Variants in RPH3AL observed in about 807,000 individuals in gnomAD.
RPH3AL encodes the protein rabphilin 3A like (without C2 domains).
A neutral mutation model predicts 43.1 loss-of-function variants in RPH3AL; 38 were observed. The ratio of observed to expected loss-of-function variants is 0.88; its 90% CI spans 0.68 to 1.15. RPH3AL has a LOEUF of 1.15. Ranked by LOEUF, RPH3AL falls within the 50% of genes most tolerant of loss-of-function variation. The pLI is 0.00. For missense variants in RPH3AL, 462 were observed against 423.2 expected (o/e 1.09, Z -0.81); for synonymous variants, 189 against 176.3 (o/e 1.07, Z -0.57).
intron 5 of RPH3AL, among the ~76,000 whole-genome samples, chr17:302,623 G>T (rs1671769954): frequency 6.6e-6 from 1 of 152,138 alleles, no homozygotes; most frequent in Non-Finnish European, 1.5e-5. Context: ...GTCGAGGGAG[G>T]GTGGATCCAG....
In RPH3AL at chr17:246,277, C is replaced by T. The variant is rs1426790679; in HGVS notation, c.613+834G>A. Among the ~76,000 whole-genome samples, 4 of 152,078 alleles carry T rather than the reference C, an allele frequency of 2.6e-5. No individual in the cohort carries two copies. Among genetic ancestry groups the T allele is most frequent in the Non-Finnish European group, 4.4e-5 (3 of 68,020 alleles). On this transcript the variant is annotated intron_variant, in intron 7 of 9. Coordinates refer to ENST00000331302, the MANE Select transcript of RPH3AL (RefSeq NM_006987.4). This position sits in a 1 kb window ranked among gnomAD's most constrained non-coding sequence, Gnocchi z 4.8. ...ACGAGCCATGATCCGAACGAGCCTCCCTCACCCCTCTGCCTGCCGTCTCAT... is the reference window on the plus strand; with the variant it reads ...ACGAGCCATGATCCGAACGAGCCTCTCTCACCCCTCTGCCTGCCGTCTCAT...
At chr17:316,463 C>T (rs1265651731) in intron 5 of RPH3AL, among the ~76,000 whole-genome samples, 1 of 151,382 alleles carries the variant, frequency 6.6e-6, no homozygotes, top group African/African-American at 2.4e-5. Flanking sequence ...CCTCCACTGA[C>T]CTGTAGTCTC....
chr17:291,996 T>C (rs1337978450), intron 5 of RPH3AL, among the ~76,000 whole-genome samples: 1 of 152,248 alleles, frequency 6.6e-6, no homozygotes, highest in African/African-American at 2.4e-5. Flanking sequence ...TTATGCTAAA[T>C]GCTTTGGAAA....
At chr17:317,601 A>G (rs1224972474) in intron 5 of RPH3AL, among the ~76,000 whole-genome samples, 1 of 152,022 alleles carries the variant, frequency 6.6e-6, no homozygotes, top group East Asian at 1.9e-4. Context: ...AGGAGCCCGC[A>G]CAGTCTTACA....
chr17:330,275 G>A (rs761531406), intron 2 of RPH3AL, among the ~76,000 whole-genome samples: 20 of 152,240 alleles, frequency 1.3e-4, no homozygotes, highest in Admixed American at 3.9e-4. Context: ...CCAGTGAGCT[G>A]CCTCAGCAAA....
chr17:298,974 G>A (rs74946655), intron 5 of RPH3AL, among the ~76,000 whole-genome samples: 10 of 152,040 alleles, frequency 6.6e-5, no homozygotes, highest in Non-Finnish European at 1.0e-4. Context: ...TCAGCAGGCT[G>A]CAGCCGGGGA....
At chr17:314,478 C>A (rs1308226266) in intron 5 of RPH3AL, among the ~76,000 whole-genome samples, 1 of 139,512 alleles carries the variant, frequency 7.2e-6, no homozygotes, top group Admixed American at 7.4e-5. Flanking sequence ...CCCCCACCTC[C>A]ATTGACCTGT....
chr17:344,473 ACAT>A lies in RPH3AL; in HGVS notation c.-213+8236_-213+8238del, dbSNP rs376718422. 1.7e-4 allele frequency among the ~76,000 whole-genome samples: 21 copies of A among 124,548 alleles called. 6 individuals carry two copies. The highest frequency in any genetic ancestry group is 5.5e-4 in the South Asian group (2 of 3,622). 81.7% of individuals were successfully genotyped at this position (124,548 alleles called of 152,430 possible). A position where few individuals can be genotyped will look rare whatever the true frequency, so the allele number is the denominator to read the frequency against. ...ATCACCACTATCATGACCATCACCC[ACAT>A]CATCATCACCATCACTGTCATCTGT... On this transcript the variant is annotated intron_variant, in intron 1 of 9. Transcript: ENST00000331302.
rs773458240 is a variant in RPH3AL at position 246,173 on chromosome 17, C to G, written c.613+938G>C. On this transcript the variant is annotated intron_variant, in intron 7 of 9. Coordinates refer to ENST00000331302, the MANE Select transcript of RPH3AL (RefSeq NM_006987.4). This position sits in a 1 kb window ranked among gnomAD's most constrained non-coding sequence, Gnocchi z 4.8. ...ACATAAAGATGGTCAGATGTCAGGT[C>G]ACAACCGAAGACCAGGATGTCGCAA... Among the ~76,000 whole-genome samples the G allele has an allele frequency of 6.6e-6, 1 of 152,178 alleles. No individual in the cohort carries two copies. The highest frequency in any genetic ancestry group is 1.5e-5 in the Non-Finnish European group (1 of 68,020).
At chr17:317,049 C>CT in intron 5 of RPH3AL, among the ~76,000 whole-genome samples, 2 of 145,222 alleles carry the variant, frequency 1.4e-5, no homozygotes, top group Admixed American at 6.9e-5. Context: ...CCTGTAGTCT[C>CT]TGTGCCCCAC....
At position 332,289 on chromosome 17, in the gene RPH3AL, T is replaced by TGC. The variant is rs143382099; in HGVS notation, c.-37+1468_-37+1469dup. 22 of 263,956 alleles carry TGC rather than the reference T, an allele frequency of 8.3e-5. No homozygotes were observed. The South Asian group carries it at 8.8e-4, about 11-fold the overall frequency. 16.4% of individuals were successfully genotyped at this position (263,956 alleles called of 1,614,324 possible). The stretch of plus-strand genomic sequence containing the variant: ...CTGGGGAAGGAGGAGCGTGTGTGTG[T>TGC]GCGCGTGTGTGTGTACAGGAGCATA... On this transcript the variant is annotated intron_variant, in intron 2 of 9. Coordinates refer to ENST00000331302, the MANE Select transcript of RPH3AL (RefSeq NM_006987.4).
chr17:291,881 T>C (rs539941694), intron 5 of RPH3AL, among the ~76,000 whole-genome samples: 3 of 152,216 alleles, frequency 2.0e-5, no homozygotes, highest in Admixed American at 1.3e-4. Flanking sequence ...AGTCTATATA[T>C]ACACAGAGGA....
intron 6 of RPH3AL, among the ~76,000 whole-genome samples, chr17:272,509 A>G (rs1322282653): frequency 2.0e-5 from 3 of 150,526 alleles, no homozygotes; most frequent in Admixed American, 1.3e-4. Context: ...GCAAGGACAG[A>G]AAACCAAACA....
intron 6 of RPH3AL, among the ~76,000 whole-genome samples, chr17:268,683 C>T (rs1430723945): frequency 6.7e-6 from 1 of 150,208 alleles, no homozygotes; most frequent in Non-Finnish European, 1.5e-5. Flanking sequence ...ACCTCAGCCT[C>T]CCAAGTAGCT....
chr17:347,641 C>T (rs1337373081), intron 1 of RPH3AL, among the ~76,000 whole-genome samples: 1 of 152,060 alleles, frequency 6.6e-6, no homozygotes, highest in Non-Finnish European at 1.5e-5. Context: ...TGACTATACT[C>T]TTACCAAAGG....
In RPH3AL at chr17:321,653, A is replaced by C. The variant is rs2044482309; in HGVS notation, c.78-238T>G. ...CCAGGTTCCGTGTGCCGGGGTTGGG[A>C]TTGCGGGCAACAGAGACGGGGCAGG... is the stretch of plus-strand genomic sequence containing the variant. On this transcript the variant is annotated intron_variant, in intron 3 of 9. Transcript: ENST00000331302. 8 of 461,322 alleles carry C rather than the reference A, an allele frequency of 1.7e-5. No homozygotes were observed. The South Asian group carries it at 2.8e-4, about 16-fold the overall frequency. 28.6% of individuals were successfully genotyped at this position (461,322 alleles called of 1,614,324 possible). A position where few individuals can be genotyped will look rare whatever the true frequency, so the allele number is the denominator to read the frequency against.
intron 6 of RPH3AL, among the ~76,000 whole-genome samples, chr17:263,207 A>G (rs781796125): frequency 1.3e-5 from 2 of 152,354 alleles, no homozygotes; most frequent in Non-Finnish European, 2.9e-5. Flanking sequence ...CCATATCCAC[A>G]GCTCACACAC....
In RPH3AL at chr17:245,575, C is replaced by T. The variant is rs1009370586; in HGVS notation, c.613+1536G>A. ...TGCCCCCATAGGCCTTCAGCCTCTC[C>T]GGCTCAACTGGCTCCAAGCAGCATT... On this transcript the variant is annotated intron_variant, in intron 7 of 9. Transcript: ENST00000331302. The surrounding 1 kb of genome is among the most constrained non-coding windows in gnomAD (Gnocchi z 5.9). 5.3e-5 allele frequency among the ~76,000 whole-genome samples: 8 copies of T among 152,098 alleles called. No homozygotes were observed. The highest frequency in any genetic ancestry group is 3.9e-4 in the East Asian group (2 of 5,186).
intron 6 of RPH3AL, among the ~76,000 whole-genome samples, chr17:257,760 AATGTG>A (rs2042090572): frequency 2.0e-5 from 1 of 50,626 alleles, no homozygotes; most frequent in African/African-American, 7.3e-5. Context: ...CGTCCCTAGG[AATGTG>A]ACTACCCTAC....
Sources: gnomAD v4.1 joint callset for allele counts (sites outside exome capture counted in the v4.1 genomes callset) on GRCh38, gnomAD v4.1.1 for gene constraint, Gnocchi (gnomAD v3.1) non-coding constraint, MANE v1.5 for transcripts, NCBI Gene and HGNC (gene_info 2026-07-23, HGNC 2026-07-21) for gene names.